The following ACOT13 variants were observed in gnomAD, a reference collection of about 807,000 sequenced individuals.
The protein encoded by ACOT13 is acyl-CoA thioesterase 13, also known as acyl-coenzyme A thioesterase 13.
ACOT13 carries 10 observed loss-of-function variants against 11.8 expected under a neutral mutation model. The observed-to-expected ratio is 0.85, with a 90% CI of 0.53 to 1.44. The LOEUF (loss-of-function observed/expected upper bound fraction) is 1.44. ACOT13 is among the 40% of genes most tolerant of loss of function. The probability of loss-of-function intolerance (pLI) is 0.00; values close to 1 mark genes in which losing one functional copy is unlikely to be tolerated. For missense variants in ACOT13, 172 were observed against 174.1 expected (o/e 0.99, Z 0.07); for synonymous variants, 53 against 61.0 (o/e 0.87, Z 0.61).
chr6:24,681,214 T>A (rs2127623744), intron 1 of ACOT13, among the ~76,000 whole-genome samples: 1 of 152,324 alleles, frequency 6.6e-6, no homozygotes, highest in East Asian at 1.9e-4. Context: ...ATGTAACTGG[T>A]GAGGTGTGCT....
rs1176453699 is a variant in ACOT13 at position 24,704,505 on chromosome 6, T to G, written c.*2890T>G. On this transcript the variant is annotated 3_prime_UTR_variant, in exon 3 of 3. Coordinates refer to ENST00000230048, the MANE Select transcript of ACOT13 (RefSeq NM_018473.4). ...CTGAGCTTGAGCAAGTTACTTAACC[T>G]CTGCATCTATTTCCACCAAAGGTTG... The G allele has an allele frequency of 3.3e-5, 5 of 152,352 alleles. No homozygotes were observed. The highest frequency in any genetic ancestry group is 1.2e-4 in the African/African-American group (5 of 41,588). The allele number at this position is 152,352 out of a possible 1,614,324, so 9.4% of individuals were successfully genotyped here.
At chr6:24,674,319 G>T (rs1440524660) in intron 1 of ACOT13, among the ~76,000 whole-genome samples, 1 of 151,928 alleles carries the variant, frequency 6.6e-6, no homozygotes, top group Non-Finnish European at 1.5e-5. Context: ...GCCTCCCAAA[G>T]TGCTGGGATT....
intron 1 of ACOT13, among the ~76,000 whole-genome samples, chr6:24,677,341 G>A (rs1452460224): frequency 1.3e-5 from 2 of 152,168 alleles, no homozygotes; most frequent in South Asian, 2.1e-4. Flanking sequence ...TTAAGTAAAC[G>A]GTTGTCTGAC....
intron 1 of ACOT13, among the ~76,000 whole-genome samples, chr6:24,667,902 T>G (rs1435046107): frequency 1.3e-5 from 2 of 150,960 alleles, no homozygotes; most frequent in Admixed American, 6.6e-5. Context: ...CCGAAGGTGT[T>G]TGTTTGTTTT....
At chr6:24,669,845 G>A (rs573634672) in intron 1 of ACOT13, among the ~76,000 whole-genome samples, 5 of 152,184 alleles carry the variant, frequency 3.3e-5, no homozygotes, top group African/African-American at 4.8e-5. Context: ...TGGCTTATGC[G>A]TGTAAATAGG....
At chr6:24,692,825 C>G (rs1778738433) in intron 1 of ACOT13, among the ~76,000 whole-genome samples, 1 of 152,260 alleles carries the variant, frequency 6.6e-6, no homozygotes, top group Non-Finnish European at 1.5e-5. Flanking sequence ...TTGCCTAAGT[C>G]TGCTTCCAGA....
intron 1 of ACOT13, among the ~76,000 whole-genome samples, chr6:24,674,355 C>CTAAA (rs903766718): frequency 3.3e-5 from 5 of 151,892 alleles, no homozygotes; most frequent in African/African-American, 1.2e-4. Context: ...TGCCCCTGGC[C>CTAAA]TAAATAAGCT....
intron 1 of ACOT13, among the ~76,000 whole-genome samples, chr6:24,686,213 G>A (rs545842018): frequency 1.3e-5 from 2 of 152,294 alleles, no homozygotes; most frequent in African/African-American, 2.4e-5. Flanking sequence ...GCAAGGAAGA[G>A]TCCCATCAGA....
intron 1 of ACOT13, among the ~76,000 whole-genome samples, chr6:24,678,175 G>T (rs1015734393): frequency 1.3e-5 from 2 of 152,178 alleles, no homozygotes; most frequent in Admixed American, 1.3e-4. Flanking sequence ...GAGACATTGG[G>T]TTCAAAGGAT....
chr6:24,680,146 C>T (rs558027872), intron 1 of ACOT13, among the ~76,000 whole-genome samples: 3 of 152,152 alleles, frequency 2.0e-5, no homozygotes, highest in African/African-American at 4.8e-5. Flanking sequence ...TACATAATTG[C>T]GAGTTGTCTC....
At chr6:24,675,523 G>A (rs929351675) in intron 1 of ACOT13, among the ~76,000 whole-genome samples, 5 of 152,178 alleles carry the variant, frequency 3.3e-5, no homozygotes, top group Non-Finnish European at 7.3e-5. Context: ...CTGCATAAAT[G>A]TCTTATTTTG....
intron 1 of ACOT13, among the ~76,000 whole-genome samples, chr6:24,692,378 T>C (rs1778729628): frequency 6.6e-6 from 1 of 152,064 alleles, no homozygotes; most frequent in Non-Finnish European, 1.5e-5. Context: ...CAAACCAAAG[T>C]TTCTGTTTGA....
chr6:24,686,146 T>C (rs1258012327), intron 1 of ACOT13, among the ~76,000 whole-genome samples: 1 of 151,470 alleles, frequency 6.6e-6, no homozygotes, highest in African/African-American at 2.4e-5. Flanking sequence ...TATAAAGAAA[T>C]ACTAACCATA....
intron 1 of ACOT13, chr6:24,687,738 T>A (rs1778655513): frequency 1.4e-6 from 2 of 1,439,112 alleles, no homozygotes; most frequent in Non-Finnish European, 1.8e-6. Flanking sequence ...TGAGACAGAG[T>A]CTCACTTTAT....
intron 1 of ACOT13, among the ~76,000 whole-genome samples, chr6:24,668,994 G>C (rs1328124795): frequency 6.6e-6 from 1 of 152,204 alleles, no homozygotes; most frequent in African/African-American, 2.4e-5. Context: ...GGAAGTCAGC[G>C]TGAAACAGCC....
chr6:24,691,501 A>G (rs1014010554), intron 1 of ACOT13, among the ~76,000 whole-genome samples: 1 of 152,186 alleles, frequency 6.6e-6, no homozygotes, highest in Non-Finnish European at 1.5e-5. Context: ...AAGGTGGAAG[A>G]TAGAGAGTAT....
intron 1 of ACOT13, among the ~76,000 whole-genome samples, chr6:24,674,609 T>G (rs927911762): frequency 6.6e-6 from 1 of 151,436 alleles, no homozygotes; most frequent in Non-Finnish European, 1.5e-5. Flanking sequence ...AGAGACAGGG[T>G]TTCACCATGT....
At chr6:24,696,332 A>G (rs1042760184) in intron 1 of ACOT13, among the ~76,000 whole-genome samples, 4 of 152,178 alleles carry the variant, frequency 2.6e-5, no homozygotes, top group Non-Finnish European at 4.4e-5. Flanking sequence ...TGAAGGTGGA[A>G]AGACCTACAT....
chr6:24,685,987 G>A (rs1029789784), intron 1 of ACOT13, among the ~76,000 whole-genome samples: 11 of 151,700 alleles, frequency 7.3e-5, no homozygotes, highest in African/African-American at 2.4e-4. Flanking sequence ...GAGGGCAGGA[G>A]TTCAAGACCA....
Sources: allele counts gnomAD v4.1 joint callset (sites outside exome capture counted in the v4.1 genomes callset), GRCh38; gene constraint gnomAD v4.1.1; transcripts MANE v1.5; gene names NCBI Gene and HGNC (gene_info 2026-07-23, HGNC 2026-07-21).